SH3RF3: variants seen among roughly 807,000 people sequenced by gnomAD.
SH3RF3 encodes E3 ubiquitin-protein ligase SH3RF3.
SH3RF3 carries 29 observed loss-of-function variants against 66.3 expected under a neutral mutation model. The ratio of observed to expected loss-of-function variants is 0.44; its 90% CI spans 0.33 to 0.60. The LOEUF (loss-of-function observed/expected upper bound fraction) is 0.60, where lower values mean the gene tolerates loss of function less well. Ranked by LOEUF, SH3RF3 falls within the 20% of genes least tolerant of loss-of-function variation. The pLI is 0.04. For missense variants in SH3RF3, 1,194 were observed against 1,190.9 expected, an observed-to-expected ratio of 1.00 and a Z score of -0.04; for synonymous variants, 583 against 532.0, an observed-to-expected ratio of 1.10 and a Z score of -1.32.
At chr2:109,353,658 A>G (rs1325226471) in intron 2 of SH3RF3, among the ~76,000 whole-genome samples, 1 of 151,380 alleles carries the variant, frequency 6.6e-6, no homozygotes, top group East Asian at 2.0e-4. Context: ...CCATTCCTTC[A>G]CTCTTCAGAT....
chr2:109,248,877 T>G (rs1173414311), intron 1 of SH3RF3, among the ~76,000 whole-genome samples: 5 of 76,734 alleles, frequency 6.5e-5, no homozygotes, highest in African/African-American at 2.4e-4. Flanking sequence ...TTCCTTTCCT[T>G]TCCTGTCCTT....
chr2:109,366,123 T>C (rs1428572146), intron 2 of SH3RF3, among the ~76,000 whole-genome samples: 2 of 152,182 alleles, frequency 1.3e-5, no homozygotes, highest in African/African-American at 4.8e-5. Flanking sequence ...TCTCCTAGAG[T>C]TATCCATTCT....
chr2:109,283,076 C>A (rs1185810221), intron 1 of SH3RF3, among the ~76,000 whole-genome samples: 1 of 152,178 alleles, frequency 6.6e-6, no homozygotes. Context: ...TTGGCCAGGG[C>A]CAGAGTCATG....
chr2:109,362,547 G>A (rs1683068991), intron 2 of SH3RF3, among the ~76,000 whole-genome samples: 2 of 152,140 alleles, frequency 1.3e-5, no homozygotes, highest in South Asian at 4.1e-4. Flanking sequence ...GCTGTTGTTG[G>A]TTGAGATATT....
intron 1 of SH3RF3, among the ~76,000 whole-genome samples, chr2:109,159,653 G>A (rs910508757): frequency 6.6e-6 from 1 of 152,210 alleles, no homozygotes; most frequent in Non-Finnish European, 1.5e-5. Context: ...ACAGCAGGAG[G>A]TGAGTGGCGG....
At chr2:109,206,490 C>CA (rs36060217) in intron 1 of SH3RF3, among the ~76,000 whole-genome samples, 25,944 of 40,736 alleles carry the variant, frequency 0.64, 8,741 homozygotes, top group East Asian at 0.85. Flanking sequence ...GACTCCGTCT[C>CA]AAAAAAAAAA....
chr2:109,469,210 GCGCTATCC>G (rs1219030326), intron 8 of SH3RF3, among the ~76,000 whole-genome samples: 2 of 152,326 alleles, frequency 1.3e-5, no homozygotes, highest in East Asian at 3.9e-4. Flanking sequence ...TGTGCATTGT[GCGCTATCC>G]CAGAATATTC....
chr2:109,453,837 G>A lies in SH3RF3; in HGVS notation c.2148+4348G>A, dbSNP rs537294039. 5.3e-5 allele frequency among the ~76,000 whole-genome samples: 8 copies of A among 152,320 alleles called. No individual in the cohort carries two copies. The South Asian group carries it at 1.7e-3, about 32-fold the overall frequency. ...GGCGCCTGGTCAGCCCAGGTCAGGG[G>A]AGACTTCCCGGGGCACAGATGGGAG... On this transcript the variant is annotated intron_variant, in intron 8 of 9. Coordinates refer to ENST00000309415, the MANE Select transcript of SH3RF3 (RefSeq NM_001099289.3).
intron 1 of SH3RF3, among the ~76,000 whole-genome samples, chr2:109,312,566 C>T (rs7569692): frequency 0.31 from 47,421 of 151,196 alleles, 9,171 homozygotes; most frequent in African/African-American, 0.55. Flanking sequence ...CCACCACAAC[C>T]TGCTTTCTTT....
At chr2:109,490,165 G>A (rs535730042) in intron 8 of SH3RF3, among the ~76,000 whole-genome samples, 159 of 152,314 alleles carry the variant, frequency 1.0e-3, no homozygotes, top group African/African-American at 3.8e-3. Context: ...CAACTGAGAT[G>A]CCATCTGCTG....
intron 1 of SH3RF3, among the ~76,000 whole-genome samples, chr2:109,288,333 C>A (rs1323666443): frequency 1.3e-5 from 2 of 152,140 alleles, no homozygotes; most frequent in Non-Finnish European, 2.9e-5. Flanking sequence ...GGGAGTTGCC[C>A]ATAGTTCTTA....
intron 1 of SH3RF3, among the ~76,000 whole-genome samples, chr2:109,328,583 A>G (rs1002723262): frequency 4.6e-5 from 7 of 152,200 alleles, no homozygotes; most frequent in Non-Finnish European, 8.8e-5. Flanking sequence ...ATTCAGAATC[A>G]TCTTTGTACT....
Position 109,371,590 on chromosome 2 carries a change from A to G in SH3RF3, c.854A>G (p.Glu285Gly), listed in dbSNP as rs1574603612. ...DKDCLTFTKD[E>G]ILTVLRRVDE... is the part of the protein sequence containing the mutation. ...ACGGTGGACCCGGAACTGCAGGACG[A>G]GATTCTGACGGTGCTCAGGAGAGTG... Residue 285 changes from glutamate to glycine, a missense_variant, in exon 3 of 10, where the codon GAG becomes GGG. By Grantham distance (98) the Glu-to-Gly change is moderately conservative. Transcript: ENST00000309415. 4 of 1,613,904 alleles carry G rather than the reference A, an allele frequency of 2.5e-6. No individual in the cohort carries two copies. The East Asian group carries it at 8.9e-5, about 36-fold the overall frequency.
chr2:109,498,700 C>T (rs928421489), intron 9 of SH3RF3, among the ~76,000 whole-genome samples: 1 of 152,140 alleles, frequency 6.6e-6, no homozygotes, highest in Non-Finnish European at 1.5e-5. Context: ...TGTGGGGGGT[C>T]CTGAAGTATG....
chr2:109,283,220 C>G (rs1374156355), intron 1 of SH3RF3, among the ~76,000 whole-genome samples: 2 of 152,220 alleles, frequency 1.3e-5, no homozygotes, highest in African/African-American at 4.8e-5. Flanking sequence ...CAGGCCCCAG[C>G]CTGGCAGTCT....
intron 8 of SH3RF3, among the ~76,000 whole-genome samples, chr2:109,468,084 C>T (rs187286613): frequency 2.1e-4 from 32 of 152,356 alleles, no homozygotes; most frequent in Admixed American, 1.9e-3. Flanking sequence ...TAGCTAGATA[C>T]GGTCATGTGT....
At chr2:109,166,699 A>G (rs763217230) in intron 1 of SH3RF3, among the ~76,000 whole-genome samples, 29 of 152,364 alleles carry the variant, frequency 1.9e-4, no homozygotes, top group Non-Finnish European at 4.0e-4. Flanking sequence ...GTTCTTTTTC[A>G]AAGCAATTTG....
intron 1 of SH3RF3, among the ~76,000 whole-genome samples, chr2:109,281,193 C>T (rs1223664818): frequency 6.6e-6 from 1 of 152,222 alleles, no homozygotes; most frequent in Non-Finnish European, 1.5e-5. Flanking sequence ...TCTCCCTGTC[C>T]CTCCTGCGAC....
chr2:109,249,964 G>A lies in SH3RF3; in HGVS notation c.574-97710G>A, dbSNP rs185876684. ...CTCCCAAAGTGCTGGGATTACAGGC[G>A]TGAGCCACCGCGCCCGGCCTGCACC... On this transcript the variant is annotated intron_variant, in intron 1 of 9. Coordinates refer to ENST00000309415, the MANE Select transcript of SH3RF3 (RefSeq NM_001099289.3). Among the ~76,000 whole-genome samples the A allele has an allele frequency of 4.0e-3, 602 of 151,956 alleles. 6 individuals carry two copies. Among genetic ancestry groups the A allele is most frequent in the South Asian group, 0.03 (144 of 4,816 alleles).
Sources: allele counts gnomAD v4.1 joint callset (sites outside exome capture counted in the v4.1 genomes callset), GRCh38; gene constraint gnomAD v4.1.1; transcripts MANE v1.5; gene names NCBI Gene and HGNC (gene_info 2026-07-23, HGNC 2026-07-21).